MYO9A: variants seen among roughly 807,000 people sequenced by gnomAD.
MYO9A encodes unconventional myosin-IXa.
A neutral mutation model predicts 293.3 loss-of-function variants in MYO9A; 103 were observed. The ratio of observed to expected loss-of-function variants is 0.35; its 90% CI spans 0.30 to 0.41. The LOEUF (loss-of-function observed/expected upper bound fraction) is 0.41, where lower values mean the gene tolerates loss of function less well. Among genes scored for constraint, MYO9A ranks in the 10% least tolerant of loss-of-function variants. The pLI is 1.00. For missense variants in MYO9A, 2,685 were observed against 3,033.0 expected, an observed-to-expected ratio of 0.89 and a Z score of 2.69; for synonymous variants, 1,001 against 1,035.7, an observed-to-expected ratio of 0.97 and a Z score of 0.64.
At chr15:71,876,373 C>T (rs1315996272) in intron 31 of MYO9A, among the ~76,000 whole-genome samples, 3 of 149,990 alleles carry the variant, frequency 2.0e-5, no homozygotes, top group South Asian at 4.2e-4. Flanking sequence ...CCACCCGCCT[C>T]GGCCTCCCAA....
chr15:71,901,128 T>C, intron 23 of MYO9A, 63 bp downstream of exon 23: 1 of 1,518,108 alleles, frequency 6.6e-7, no homozygotes. Flanking sequence ...AAAAAGGTTC[T>C]GGTTACTAAA....
At chr15:72,006,402 A>C (rs979360929) in intron 8 of MYO9A, among the ~76,000 whole-genome samples, 3 of 152,162 alleles carry the variant, frequency 2.0e-5, no homozygotes, top group African/African-American at 7.2e-5. Context: ...GACATAAATA[A>C]ATCTTAAGTG....
chr15:72,081,229 T>C (rs372564641), intron 1 of MYO9A, among the ~76,000 whole-genome samples: 21 of 152,258 alleles, frequency 1.4e-4, no homozygotes, highest in East Asian at 5.8e-4. Context: ...CTAGCATCTG[T>C]TATTTTTGAC....
intron 11 of MYO9A, 97 bp from the exon 12 acceptor site, chr15:71,978,389 A>G: frequency 1.7e-5 from 17 of 989,060 alleles, no homozygotes; most frequent in Non-Finnish European, 2.4e-5. Flanking sequence ...TAAAATTCTA[A>G]GATTTTAAAA....
chr15:71,999,152 TTCTAA>T (rs2076792113), intron 9 of MYO9A: 1 of 152,184 alleles, frequency 6.6e-6, no homozygotes, highest in African/African-American at 2.4e-5. Context: ...CTCACCTGTC[TTCTAA>T]TCTTCTAATT....
intron 33 of MYO9A, among the ~76,000 whole-genome samples, chr15:71,861,690 A>AC (rs1170260617): frequency 6.7e-6 from 1 of 148,350 alleles, no homozygotes; most frequent in African/African-American, 2.4e-5. Flanking sequence ...AAAAAAAAAA[A>AC]AAAAAAAAAA....
intron 8 of MYO9A, among the ~76,000 whole-genome samples, chr15:72,003,223 C>T (rs1369755756): frequency 3.4e-5 from 5 of 147,688 alleles, no homozygotes; most frequent in Non-Finnish European, 6.0e-5. Flanking sequence ...GAGCTGAGAT[C>T]GCACCATTGC....
intron 1 of MYO9A, among the ~76,000 whole-genome samples, chr15:72,079,193 G>A (rs1433098370): frequency 6.6e-6 from 1 of 151,932 alleles, no homozygotes; most frequent in Non-Finnish European, 1.5e-5. Flanking sequence ...AAACAATAGG[G>A]GAAACTGTGG....
intron 27 of MYO9A, among the ~76,000 whole-genome samples, chr15:71,884,530 T>C (rs1031320711): frequency 1.3e-5 from 2 of 152,160 alleles, no homozygotes; most frequent in Non-Finnish European, 2.9e-5. Context: ...TGGAGACTTA[T>C]ATATTAGGTA....
At chr15:71,854,254 C>T (rs2055775563) in intron 35 of MYO9A, 123 bp downstream of exon 35, 1 of 799,624 alleles carries the variant, frequency 1.3e-6, no homozygotes, top group Non-Finnish European at 1.8e-6. Flanking sequence ...CAAAGCATCA[C>T]AGAAAAGAAT....
intron 15 of MYO9A, among the ~76,000 whole-genome samples, chr15:71,942,644 T>C (rs2058807817): frequency 6.6e-6 from 1 of 152,044 alleles, no homozygotes; most frequent in African/African-American, 2.4e-5. Flanking sequence ...CTTAAATGTT[T>C]AACATACTCA....
At chr15:72,000,951 CAT>C (rs1437544739) in intron 8 of MYO9A, among the ~76,000 whole-genome samples, 3 of 152,182 alleles carry the variant, frequency 2.0e-5, no homozygotes, top group East Asian at 1.9e-4. Context: ...TATTGTTGCA[CAT>C]GAGTTCAAAA....
intron 3 of MYO9A, among the ~76,000 whole-genome samples, chr15:72,030,554 T>G (rs2077831169): frequency 1.3e-5 from 2 of 152,106 alleles, no homozygotes; most frequent in African/African-American, 4.8e-5. Flanking sequence ...TGAACTTTGT[T>G]TTTTTGGAGG....
chr15:71,894,428 T>G (rs1456363338), intron 25 of MYO9A, among the ~76,000 whole-genome samples: 1 of 151,970 alleles, frequency 6.6e-6, no homozygotes, highest in Non-Finnish European at 1.5e-5. Flanking sequence ...AATATAAAAA[T>G]TAGCTGGGTG....
At chr15:71,849,008 A>C (rs376514691) in intron 38 of MYO9A, 40 bp from the exon 39 acceptor site, 4 of 1,533,540 alleles carry the variant, frequency 2.6e-6, no homozygotes, top group Non-Finnish European at 3.5e-6. Flanking sequence ...TTAAGAGGTG[A>C]AGTAAATAAA....
At chr15:71,998,929 T>C (rs2076786589) in intron 9 of MYO9A, 1 of 152,158 alleles carries the variant, frequency 6.6e-6, no homozygotes, top group Non-Finnish European at 1.5e-5. Flanking sequence ...TATGGCTGCA[T>C]AGTATTCCAT....
At chr15:71,956,476 T>C (rs1285693616) in intron 14 of MYO9A, among the ~76,000 whole-genome samples, 1 of 144,234 alleles carries the variant, frequency 6.9e-6, no homozygotes, top group Non-Finnish European at 1.5e-5. Context: ...TCGCCTCTAC[T>C]AAAAATACAA....
intron 27 of MYO9A, 50 bp downstream of exon 27, chr15:71,887,954 T>G: frequency 1.9e-6 from 2 of 1,059,626 alleles, no homozygotes; most frequent in Non-Finnish European, 1.4e-6. Flanking sequence ...CTATAGTCAG[T>G]TATCAAATAA....
At chr15:71,912,111 C>T (rs890209557) in intron 19 of MYO9A, among the ~76,000 whole-genome samples, 1 of 152,104 alleles carries the variant, frequency 6.6e-6, no homozygotes, top group Non-Finnish European at 1.5e-5. Context: ...ATACCATGTT[C>T]TGTATAGTGT....
Sources: gnomAD v4.1 joint callset for allele counts (sites outside exome capture counted in the v4.1 genomes callset) on GRCh38, gnomAD v4.1.1 for gene constraint, MANE v1.5 for transcripts, NCBI Gene and HGNC (gene_info 2026-07-23, HGNC 2026-07-21) for gene names.